The following RNGTT variants were observed in gnomAD, a reference collection of about 807,000 sequenced individuals.
RNGTT encodes the protein mRNA-capping enzyme.
In RNGTT, 33 loss-of-function variants were observed where a neutral mutation model predicts 79.3. That is an observed-to-expected ratio of 0.42 (90% CI 0.32 to 0.56). The LOEUF is 0.56. Ranked by LOEUF, RNGTT falls within the 20% of genes least tolerant of loss-of-function variation. The probability of loss-of-function intolerance (pLI) is 0.17; values close to 1 mark genes in which losing one functional copy is unlikely to be tolerated. For synonymous variants in RNGTT, 222 were observed against 235.9 expected (o/e 0.94, Z 0.54); for missense variants, 497 against 739.1 (o/e 0.67, Z 3.80).
rs911291719 is a variant in RNGTT at position 88,769,969 on chromosome 6, T to G, written c.1339-95A>C. ...TAATGTAACTTTTTATTAAGCAAAA[T>G]TACTTCTTTTCTAAACATAATTTTA... On this transcript the variant is annotated intron_variant, in intron 12 of 15. Transcript: ENST00000369485. 26 of 746,166 alleles carry G rather than the reference T, an allele frequency of 3.5e-5. No individual in the cohort carries two copies. In the Admixed American group the frequency reaches 6.6e-4, roughly 19 times the overall value. The allele number at this position is 746,166 out of a possible 1,614,324, so 46.2% of individuals were successfully genotyped here. A position where few individuals can be genotyped will look rare whatever the true frequency, so the allele number is the denominator to read the frequency against.
At chr6:88,887,692 G>C (rs372415009) in intron 8 of RNGTT, among the ~76,000 whole-genome samples, 2 of 151,966 alleles carry the variant, frequency 1.3e-5, no homozygotes, top group African/African-American at 4.8e-5. Flanking sequence ...CAGAGAAAGG[G>C]GTACACAACT....
At chr6:88,881,836 T>C (rs1782702345) in intron 8 of RNGTT, among the ~76,000 whole-genome samples, 1 of 152,208 alleles carries the variant, frequency 6.6e-6, no homozygotes, top group Non-Finnish European at 1.5e-5. Flanking sequence ...TGCCCTACTC[T>C]ATACTATACA....
intron 13 of RNGTT, among the ~76,000 whole-genome samples, chr6:88,747,913 T>C (rs1380730889): frequency 6.6e-6 from 1 of 152,126 alleles, no homozygotes; most frequent in Non-Finnish European, 1.5e-5. Flanking sequence ...CTTCCAAGTA[T>C]CACACATTTC....
At chr6:88,822,749 T>C (rs566965253) in intron 11 of RNGTT, among the ~76,000 whole-genome samples, 32 of 152,248 alleles carry the variant, frequency 2.1e-4, no homozygotes, top group South Asian at 8.3e-4. Context: ...GAGTGAACAT[T>C]GATAGGATGG....
At chr6:88,916,465 T>C (rs1784003558) in intron 4 of RNGTT, among the ~76,000 whole-genome samples, 1 of 152,200 alleles carries the variant, frequency 6.6e-6, no homozygotes, top group Non-Finnish European at 1.5e-5. Context: ...AGTGAGACAC[T>C]GTCTCAAAAA....
intron 8 of RNGTT, among the ~76,000 whole-genome samples, chr6:88,887,315 A>G (rs1414184353): frequency 6.6e-6 from 1 of 152,218 alleles, no homozygotes. Flanking sequence ...TCCAGGACTC[A>G]TAGCTATTAA....
chr6:88,684,488 T>C (rs1775203592), intron 13 of RNGTT, among the ~76,000 whole-genome samples: 1 of 152,182 alleles, frequency 6.6e-6, no homozygotes, highest in Non-Finnish European at 1.5e-5. Context: ...AACCAAGATG[T>C]CCTTGAATAG....
chr6:88,894,168 A>G (rs1783148102), intron 6 of RNGTT, among the ~76,000 whole-genome samples: 1 of 152,192 alleles, frequency 6.6e-6, no homozygotes, highest in East Asian at 1.9e-4. Flanking sequence ...GATACTGCTC[A>G]TTATTTCATT....
intron 13 of RNGTT, among the ~76,000 whole-genome samples, chr6:88,739,725 T>TTATATATATATATATATATA (rs367967175): frequency 1.1e-5 from 1 of 94,152 alleles, no homozygotes; most frequent in Non-Finnish European, 2.0e-5. Context: ...GTGAAAAAAA[T>TTATATATATATATATATATA]TATATATATA....
chr6:88,787,397 ATGCCTG>A (rs1326810416), intron 12 of RNGTT, among the ~76,000 whole-genome samples: 1 of 152,176 alleles, frequency 6.6e-6, no homozygotes, highest in Non-Finnish European at 1.5e-5. Context: ...GTGGTGGCTC[ATGCCTG>A]TAATCCCAGC....
intron 13 of RNGTT, among the ~76,000 whole-genome samples, chr6:88,731,401 T>G (rs1777110809): frequency 6.6e-6 from 1 of 152,122 alleles, no homozygotes; most frequent in African/African-American, 2.4e-5. Context: ...AACCACAGTC[T>G]GAAGAGACAA....
At chr6:88,622,568 G>A (rs1383807082) in intron 14 of RNGTT, among the ~76,000 whole-genome samples, 1 of 152,038 alleles carries the variant, frequency 6.6e-6, no homozygotes, top group African/African-American at 2.4e-5. Flanking sequence ...TAGGCTTCCA[G>A]GAAACAAAAT....
chr6:88,661,945 G>A (rs1331299572), intron 14 of RNGTT, among the ~76,000 whole-genome samples: 3 of 152,162 alleles, frequency 2.0e-5, no homozygotes, highest in Non-Finnish European at 4.4e-5. Context: ...GAATCCAACA[G>A]CATATTTAAA....
intron 13 of RNGTT, among the ~76,000 whole-genome samples, chr6:88,680,120 G>A (rs530422122): frequency 1.3e-5 from 2 of 152,150 alleles, no homozygotes; most frequent in Admixed American, 6.5e-5. Flanking sequence ...AAAAGTTCTC[G>A]GCATGCCATA....
chr6:88,958,303 T>C (rs921953062), intron 1 of RNGTT, among the ~76,000 whole-genome samples: 6 of 152,154 alleles, frequency 3.9e-5, no homozygotes, highest in South Asian at 2.1e-4. Context: ...CTTCTAGACA[T>C]TGACTTAGGC....
chr6:88,885,328 T>C (rs994729114), intron 8 of RNGTT, among the ~76,000 whole-genome samples: 1 of 151,984 alleles, frequency 6.6e-6, no homozygotes, highest in Non-Finnish European at 1.5e-5. Context: ...AAGAAAGTAC[T>C]CAAAAAATGA....
At chr6:88,910,932 T>C (rs1783810732) in intron 4 of RNGTT, among the ~76,000 whole-genome samples, 2 of 152,170 alleles carry the variant, frequency 1.3e-5, no homozygotes, top group Admixed American at 1.3e-4. Flanking sequence ...GGATTAGCAA[T>C]TGCTAAGGGA....
At chr6:88,809,976 A>G (rs913028339) in intron 11 of RNGTT, among the ~76,000 whole-genome samples, 1 of 152,120 alleles carries the variant, frequency 6.6e-6, no homozygotes, top group Non-Finnish European at 1.5e-5. Context: ...TGAGCCCCAG[A>G]GGTTGCAGCT....
intron 1 of RNGTT, among the ~76,000 whole-genome samples, chr6:88,962,201 G>C (rs1582184337): frequency 6.6e-6 from 1 of 152,226 alleles, no homozygotes; most frequent in Middle Eastern, 3.4e-3. Flanking sequence ...GAAACTTTGA[G>C]GGGTTTCATG....
Sources: gnomAD v4.1 joint callset for allele counts (sites outside exome capture counted in the v4.1 genomes callset) on GRCh38, gnomAD v4.1.1 for gene constraint, MANE v1.5 for transcripts, NCBI Gene and HGNC (gene_info 2026-07-23, HGNC 2026-07-21) for gene names.